Variants in SHOC2 observed in about 807,000 individuals in gnomAD.
SHOC2 encodes the protein SHOC2 leucine rich repeat scaffold protein.
SHOC2 carries 4 observed loss-of-function variants against 50.2 expected under a neutral mutation model. That is an observed-to-expected ratio of 0.08 (90% CI 0.04 to 0.18). The LOEUF is 0.18. Among genes scored for constraint, SHOC2 ranks in the 10% least tolerant of loss-of-function variants. The probability of loss-of-function intolerance (pLI) is 1.00; values close to 1 mark genes in which losing one functional copy is unlikely to be tolerated. For synonymous variants in SHOC2, 218 were observed against 244.5 expected, an observed-to-expected ratio of 0.89 and a Z score of 1.01; for missense variants, 388 against 669.6, an observed-to-expected ratio of 0.58 and a Z score of 4.64.
At chr10:110,987,810 A>T (rs1249909662) in intron 3 of SHOC2, among the ~76,000 whole-genome samples, 1 of 152,184 alleles carries the variant, frequency 6.6e-6, no homozygotes, top group African/African-American at 2.4e-5. Context: ...AGAATAAAAT[A>T]CAATTCTTAG....
chr10:110,967,628 C>A (rs940635998), intron 2 of SHOC2, among the ~76,000 whole-genome samples: 1 of 152,164 alleles, frequency 6.6e-6, no homozygotes, highest in South Asian at 2.1e-4. Flanking sequence ...CTCCTAATTT[C>A]TCCTAACTCA....
At chr10:110,983,089 A>G (rs914026212) in intron 2 of SHOC2, among the ~76,000 whole-genome samples, 3 of 152,102 alleles carry the variant, frequency 2.0e-5, no homozygotes, top group Non-Finnish European at 4.4e-5. Context: ...GTTATATCTT[A>G]TAAGTTTTTG....
chr10:110,945,808 T>C (rs1477289167), intron 1 of SHOC2, among the ~76,000 whole-genome samples: 1 of 152,150 alleles, frequency 6.6e-6, no homozygotes, highest in Non-Finnish European at 1.5e-5. Context: ...TCAAGCCTAT[T>C]ATGTAGAAAT....
chr10:110,956,677 A>G lies in SHOC2; in HGVS notation c.-234-7448A>G, dbSNP rs565884162. 9.8e-5 allele frequency among the ~76,000 whole-genome samples: 15 copies of G among 152,330 alleles called. No individual in the cohort carries two copies. The South Asian group carries it at 2.5e-3, about 25-fold the overall frequency. On this transcript the variant is annotated intron_variant, in intron 1 of 8. Coordinates refer to ENST00000369452, the MANE Select transcript of SHOC2 (RefSeq NM_007373.4). The stretch of plus-strand genomic sequence containing the variant: ...AAAATGATAGTCTTGTATAAAATGA[A>G]TGTTTTAAATCTTACATTTATCTTG...
At chr10:110,966,029 T>A (rs1486878575) in intron 2 of SHOC2, among the ~76,000 whole-genome samples, 2 of 152,112 alleles carry the variant, frequency 1.3e-5, no homozygotes, top group African/African-American at 4.8e-5. Context: ...ATATTTTTGT[T>A]GCTTTCAGCA....
chr10:110,988,898 C>A, intron 3 of SHOC2: 1 of 465,928 alleles, frequency 2.1e-6, no homozygotes, highest in Non-Finnish European at 4.4e-6. Context: ...TCTAATTTAC[C>A]CTTTTGTTTC....
chr10:111,002,118 T>C (rs1178639678), intron 4 of SHOC2, among the ~76,000 whole-genome samples: 1 of 152,126 alleles, frequency 6.6e-6, no homozygotes, highest in Non-Finnish European at 1.5e-5. Flanking sequence ...GTGAAACTAA[T>C]AATTCCTGGG....
At chr10:111,006,836 A>G (rs1233827646) in intron 5 of SHOC2, among the ~76,000 whole-genome samples, 1 of 152,166 alleles carries the variant, frequency 6.6e-6, no homozygotes, top group Admixed American at 6.5e-5. Context: ...TTGTGGTACG[A>G]GTTGTTATTG....
In SHOC2 at chr10:111,011,809, C is replaced by A; in HGVS notation, c.1740C>A (p.Ala580=). The change falls in exon 9 of 9, where the codon GCC becomes GCA. Residue 580 remains alanine (A), a synonymous_variant. Coordinates refer to ENST00000369452, the MANE Select transcript of SHOC2 (RefSeq NM_007373.4). ...TAAAGATGCAGGGTCCATATCGTGCCATGGTCTGATATAAATCTGCTGGTC... is the reference window on the plus strand; with the variant it reads ...TAAAGATGCAGGGTCCATATCGTGCAATGGTCTGATATAAATCTGCTGGTC... The part of the protein sequence containing the change: ...QFLKMQGPYR[A]MV 1 of 1,613,008 alleles carries A rather than the reference C, an allele frequency of 6.2e-7. No individual in the cohort carries two copies. The highest frequency in any genetic ancestry group is 8.5e-7 in the Non-Finnish European group (1 of 1,179,100).
intron 1 of SHOC2, among the ~76,000 whole-genome samples, chr10:110,952,113 AT>A (rs150444929): frequency 0.058 from 8,836 of 152,080 alleles, 336 homozygotes; most frequent in African/African-American, 0.11. Context: ...GTTAACCTTA[AT>A]TTTTTGCCTT....
intron 3 of SHOC2, among the ~76,000 whole-genome samples, chr10:110,996,551 G>A (rs1387001181): frequency 6.6e-6 from 1 of 151,484 alleles, no homozygotes; most frequent in African/African-American, 2.4e-5. Context: ...GAAATGATGA[G>A]GGTGGGATTG....
chr10:110,964,598 G>A lies in SHOC2; in HGVS notation c.240G>A (p.Gly80=). 1 of 1,613,980 alleles carries A rather than the reference G, an allele frequency of 6.2e-7. No individual in the cohort carries two copies. The highest frequency in any genetic ancestry group is 1.1e-5 in the South Asian group (1 of 91,074). ...TCAAACGGCCAAACCCAGCACCTGG[G>A]ACTAGAAAAAAATCCAGCAATGCAG... ...NTIKRPNPAP[G]TRKKSSNAEV... Residue 80 remains glycine (G), a synonymous_variant, in exon 2 of 9, where the codon GGG becomes GGA. Coordinates refer to ENST00000369452, the MANE Select transcript of SHOC2 (RefSeq NM_007373.4). The surrounding 1 kb of genome is among the most constrained non-coding windows in gnomAD (Gnocchi z 4.9).
rs1847625171 is a variant in SHOC2, at chr10:110,964,163, C to T, written c.-196C>T. 1.5e-6 allele frequency: 1 copy of T among 688,276 alleles called. No individual in the cohort carries two copies. Among genetic ancestry groups the T allele is most frequent in the Non-Finnish European group, 2.4e-6 (1 of 421,468 alleles). The allele number at this position is 688,276 out of a possible 1,614,324, so 42.6% of individuals were successfully genotyped here. A position where few individuals can be genotyped will look rare whatever the true frequency, so the allele number is the denominator to read the frequency against. ...TCATTGATTGACCAGCACTATTTTA[C>T]CAGTTGGAATGAATGATCAGAAATG... is the stretch of plus-strand genomic sequence containing the variant. On this transcript the variant is annotated 5_prime_UTR_variant, in exon 2 of 9. Transcript: ENST00000369452. This position sits in a 1 kb window ranked among gnomAD's most constrained non-coding sequence, Gnocchi z 4.9.
At chr10:110,994,105 C>G (rs1848228987) in intron 3 of SHOC2, among the ~76,000 whole-genome samples, 1 of 151,900 alleles carries the variant, frequency 6.6e-6, no homozygotes, top group Non-Finnish European at 1.5e-5. Context: ...GTCTTGTTTA[C>G]TTCCATTTTT....
Position 110,940,910 on chromosome 10 carries a change from GTTTTTTTTTTTTTTTTT to G in SHOC2, c.-235+21275_-235+21291del, listed in dbSNP as rs539552844. On this transcript the variant is annotated intron_variant, in intron 1 of 8. Transcript: ENST00000369452. The stretch of plus-strand genomic sequence containing the variant: ...GACAAAATAGTGGTATTTGTGGTGG[GTTTTTTTTTTTTTTTTT>G]TTTTTTTTTTTTTTTTTTTTTGTGA... Among the ~76,000 whole-genome samples the G allele has an allele frequency of 6.5e-4, 78 of 119,458 alleles. 7 individuals are homozygous for G. The highest frequency in any genetic ancestry group is 9.9e-4 in the East Asian group (4 of 4,022). 78.4% of individuals were successfully genotyped at this position (119,458 alleles called of 152,430 possible). A position where few individuals can be genotyped will look rare whatever the true frequency, so the allele number is the denominator to read the frequency against.
rs201675910 is a variant in SHOC2, at chr10:110,992,338, TA to T, written c.841+6580del. On this transcript the variant is annotated intron_variant, in intron 3 of 8. Transcript: ENST00000369452. ...TTAACTGTTAGTCTGCCTTGTTGAA[TA>T]AAAAAAGTATTATTTTATATGAATA... Among the ~76,000 whole-genome samples the T allele has an allele frequency of 3.8e-3, 575 of 152,164 alleles. 3 individuals are homozygous for T. The highest frequency in any genetic ancestry group is 0.013 in the African/African-American group (548 of 41,488).
chr10:110,973,139 G>A (rs866585492), intron 2 of SHOC2, among the ~76,000 whole-genome samples: 1 of 152,270 alleles, frequency 6.6e-6, no homozygotes, highest in Middle Eastern at 3.4e-3. Flanking sequence ...CTCTAAATCT[G>A]TTCAAACTTG....
At chr10:110,922,829 C>T (rs1846681652) in intron 1 of SHOC2, among the ~76,000 whole-genome samples, 1 of 151,980 alleles carries the variant, frequency 6.6e-6, no homozygotes, top group African/African-American at 2.4e-5. Flanking sequence ...TTTGACATTT[C>T]TTAATGAGAC....
intron 2 of SHOC2, among the ~76,000 whole-genome samples, chr10:110,967,002 A>G (rs1177326633): frequency 6.6e-6 from 1 of 152,220 alleles, no homozygotes; most frequent in Non-Finnish European, 1.5e-5. Context: ...AACATGCAGA[A>G]GTCTGGGTCA....
Sources: allele counts gnomAD v4.1 joint callset (sites outside exome capture counted in the v4.1 genomes callset), GRCh38; gene constraint gnomAD v4.1.1; non-coding constraint Gnocchi (gnomAD v3.1); transcripts MANE v1.5; gene names NCBI Gene and HGNC (gene_info 2026-07-23, HGNC 2026-07-21).